The following KCNQ3 variants were observed in gnomAD, a reference collection of about 807,000 sequenced individuals.
KCNQ3 encodes the protein potassium voltage-gated channel subfamily KQT member 3.
Under a neutral mutation model 92.5 loss-of-function variants are expected in KCNQ3, and 30 were observed. The observed-to-expected ratio is 0.32, with a 90% confidence interval of 0.24 to 0.44. The LOEUF (loss-of-function observed/expected upper bound fraction) is 0.44. KCNQ3 is among the 20% of genes least tolerant of loss of function. The probability of loss-of-function intolerance (pLI) is 1.00; values close to 1 mark genes in which losing one functional copy is unlikely to be tolerated. For missense variants in KCNQ3, 913 were observed against 1,140.3 expected, an observed-to-expected ratio of 0.80 and a Z score of 2.87; for synonymous variants, 450 against 468.8, an observed-to-expected ratio of 0.96 and a Z score of 0.52.
chr8:132,388,957 A>G (rs903762123), intron 1 of KCNQ3, among the ~76,000 whole-genome samples: 3 of 152,246 alleles, frequency 2.0e-5, no homozygotes, highest in Non-Finnish European at 4.4e-5. Context: ...GATTCTTAAA[A>G]AACATTCTGG....
chr8:132,190,828 C>T (rs921760505), intron 1 of KCNQ3, among the ~76,000 whole-genome samples: 1 of 152,192 alleles, frequency 6.6e-6, no homozygotes, highest in African/African-American at 2.4e-5. Flanking sequence ...TGGGAATCTG[C>T]ACCAAATGCA....
chr8:132,177,558 G>A (rs1233833212), intron 4 of KCNQ3, among the ~76,000 whole-genome samples: 1 of 152,196 alleles, frequency 6.6e-6, no homozygotes, highest in Non-Finnish European at 1.5e-5. Context: ...GGCCCACCCA[G>A]CACACATCGG....
intron 1 of KCNQ3, among the ~76,000 whole-genome samples, chr8:132,230,476 AG>A: frequency 6.6e-6 from 1 of 151,556 alleles, no homozygotes; most frequent in Non-Finnish European, 1.5e-5. Flanking sequence ...AGAGAGAGAG[AG>A]AGAGAAAATC....
At position 132,137,947 on chromosome 8, in the gene KCNQ3, C is replaced by G. The variant is rs765209359; in HGVS notation, c.1638G>C (p.Val546=). 1 of 1,613,882 alleles carries G rather than the reference C, an allele frequency of 6.2e-7. No homozygotes were observed. The highest frequency in any genetic ancestry group is 8.5e-7 in the Non-Finnish European group (1 of 1,179,970). Residue 546 remains valine (V), a synonymous_variant, in exon 12 of 15, where the codon GTG becomes GTC. Transcript: ENST00000388996. ...GATGCCCGGCAGAATACTGCTCAAT[C>G]ACATCCTTCACATCGTAAGGCCTCA... ...ETLRPYDVKD[V]IEQYSAGHLD...
chr8:132,198,136 T>C (rs1827357456), intron 1 of KCNQ3, among the ~76,000 whole-genome samples: 1 of 152,250 alleles, frequency 6.6e-6, no homozygotes, highest in African/African-American at 2.4e-5. Flanking sequence ...TCTTGCTGGC[T>C]TTGAAGTTGC....
chr8:132,228,271 C>G (rs1010139571), intron 1 of KCNQ3, among the ~76,000 whole-genome samples: 3 of 151,888 alleles, frequency 2.0e-5, no homozygotes, highest in Non-Finnish European at 4.4e-5. Context: ...ATCAAAGTGA[C>G]AAATGAATAA....
intron 1 of KCNQ3, among the ~76,000 whole-genome samples, chr8:132,265,483 A>G (rs1815951390): frequency 6.6e-6 from 1 of 152,224 alleles, no homozygotes; most frequent in African/African-American, 2.4e-5. Context: ...CTGCTTCTAC[A>G]AGGTTTGTTT....
chr8:132,377,154 C>T (rs1488908985), intron 1 of KCNQ3, among the ~76,000 whole-genome samples: 1 of 152,150 alleles, frequency 6.6e-6, no homozygotes, highest in Admixed American at 6.5e-5. Flanking sequence ...TGGGTAAGCA[C>T]CATCCAATCC....
chr8:132,371,081 C>T (rs146935963), intron 1 of KCNQ3, among the ~76,000 whole-genome samples: 2 of 152,172 alleles, frequency 1.3e-5, no homozygotes, highest in African/African-American at 4.8e-5. Flanking sequence ...CTGATCACTC[C>T]CAGATACATT....
intron 1 of KCNQ3, among the ~76,000 whole-genome samples, chr8:132,284,286 C>T (rs2130537422): frequency 6.6e-6 from 1 of 152,252 alleles, no homozygotes; most frequent in East Asian, 1.9e-4. Flanking sequence ...ATTCCTGGTC[C>T]AGTGACCAGG....
intron 1 of KCNQ3, among the ~76,000 whole-genome samples, chr8:132,248,769 G>C (rs963404606): frequency 1.3e-5 from 2 of 152,182 alleles, no homozygotes; most frequent in Non-Finnish European, 2.9e-5. Flanking sequence ...GTGATTGGCT[G>C]AAGAACAAGA....
At chr8:132,180,851 C>A (rs866371834) in intron 3 of KCNQ3, among the ~76,000 whole-genome samples, 201 of 103,558 alleles carry the variant, frequency 1.9e-3, no homozygotes, top group Middle Eastern at 0.011. Context: ...AAAAAAAAAA[C>A]CAATGTTGGG....
chr8:132,358,159 T>C (rs1433623545), intron 1 of KCNQ3, among the ~76,000 whole-genome samples: 1 of 152,186 alleles, frequency 6.6e-6, no homozygotes, highest in Non-Finnish European at 1.5e-5. Flanking sequence ...CAGTGAAAGG[T>C]GGCTGAGTAA....
At position 132,126,452 on chromosome 8, in the gene KCNQ3, A is replaced by G. The variant is rs1296970009; in HGVS notation, c.*2810T>C. The G allele has an allele frequency of 6.6e-6, 1 of 152,164 alleles. No homozygotes were observed. The highest frequency in any genetic ancestry group is 1.5e-5 in the Non-Finnish European group (1 of 68,040). 9.4% of individuals were successfully genotyped at this position (152,164 alleles called of 1,614,324 possible). Reference sequence around the variant, plus strand: ...AGCAGGTTTGGTTTGCCTTTCTGGAATATATTTTTTGGGGAACAAAAGGAG... The same window carrying G: ...AGCAGGTTTGGTTTGCCTTTCTGGAGTATATTTTTTGGGGAACAAAAGGAG... On this transcript the variant is annotated 3_prime_UTR_variant, in exon 15 of 15. Transcript: ENST00000388996.
chr8:132,476,512 T>C (rs1050038177), intron 1 of KCNQ3, among the ~76,000 whole-genome samples: 2 of 152,184 alleles, frequency 1.3e-5, no homozygotes, highest in African/African-American at 2.4e-5. Flanking sequence ...ATGTGAGACA[T>C]GGAATCAAAG....
intron 1 of KCNQ3, among the ~76,000 whole-genome samples, chr8:132,302,358 G>A (rs749706941): frequency 7.2e-5 from 11 of 152,196 alleles, no homozygotes; most frequent in Non-Finnish European, 1.5e-4. Context: ...TTTTCATGGT[G>A]ACAATGGTCA....
chr8:132,228,940 G>T (rs765357170), intron 1 of KCNQ3, among the ~76,000 whole-genome samples: 3 of 152,102 alleles, frequency 2.0e-5, no homozygotes, highest in Non-Finnish European at 4.4e-5. Context: ...GAACAATCAG[G>T]ATCACATTTG....
chr8:132,376,357 C>T (rs903563593), intron 1 of KCNQ3, among the ~76,000 whole-genome samples: 5 of 152,272 alleles, frequency 3.3e-5, no homozygotes, highest in South Asian at 4.1e-4. Context: ...GTTCCAAATA[C>T]GGTGCTGGCA....
intron 1 of KCNQ3, among the ~76,000 whole-genome samples, chr8:132,452,131 A>G (rs1001669086): frequency 6.6e-6 from 1 of 152,206 alleles, no homozygotes; most frequent in Non-Finnish European, 1.5e-5. Context: ...TTAAGTATGC[A>G]ATTCAGTGGC....
Sources: gnomAD v4.1 joint callset for allele counts (sites outside exome capture counted in the v4.1 genomes callset) on GRCh38, gnomAD v4.1.1 for gene constraint, MANE v1.5 for transcripts, NCBI Gene and HGNC (gene_info 2026-07-23, HGNC 2026-07-21) for gene names.